The following ACCSL variants were observed in gnomAD, a reference collection of about 807,000 sequenced individuals.
ACCSL encodes the protein probable inactive 1-aminocyclopropane-1-carboxylate synthase-like protein 2.
A neutral mutation model predicts 61.7 loss-of-function variants in ACCSL; 55 were observed. That is an observed-to-expected ratio of 0.89 (90% confidence interval 0.72 to 1.12). The LOEUF is 1.12. Ranked by LOEUF, ACCSL falls within the 50% of genes most tolerant of loss-of-function variation. The pLI is 0.00. For missense variants in ACCSL, 632 were observed against 698.0 expected, an observed-to-expected ratio of 0.91 and a Z score of 1.07; for synonymous variants, 258 against 264.3, an observed-to-expected ratio of 0.98 and a Z score of 0.23.
chr11:44,016,025 G>A, the ACCSL span, among the ~76,000 whole-genome samples: 2 of 152,104 alleles, frequency 1.3e-5, no homozygotes, highest in African/African-American at 4.8e-5. Flanking sequence ...GGTTGAAAAA[G>A]GGACCCTTAC....
intron 3 of ACCSL, 63 bp from the exon 4 acceptor site, chr11:44,051,272 A>G (rs1318210092): frequency 3.2e-6 from 5 of 1,551,094 alleles, no homozygotes; most frequent in East Asian, 2.2e-5. Context: ...GACAATGACC[A>G]TCTAGACCAT....
the ACCSL span, chr11:43,933,125 T>C: frequency 2.2e-5 from 10 of 456,166 alleles, no homozygotes; most frequent in East Asian, 1.4e-4. Context: ...GAGAGACTTA[T>C]ACTTTAACCT....
intron 4 of ACCSL, 28 bp from the exon 5 acceptor site, chr11:44,051,625 A>C (rs79692985): frequency 6.2e-7 from 1 of 1,613,882 alleles, no homozygotes; most frequent in Non-Finnish European, 8.5e-7. Context: ...ATTGGTTTTG[A>C]CTTCTGCCTC....
At chr11:44,014,819 G>A in the ACCSL span, among the ~76,000 whole-genome samples, 1 of 152,218 alleles carries the variant, frequency 6.6e-6, no homozygotes, top group African/African-American at 2.4e-5. Context: ...ACCGTGGAGA[G>A]ACACCTGGTG....
chr11:43,987,304 C>T, the ACCSL span, among the ~76,000 whole-genome samples: 4 of 152,224 alleles, frequency 2.6e-5, no homozygotes, highest in African/African-American at 9.6e-5. Context: ...TTGGACAGGT[C>T]TCTGCCTCCT....
chr11:44,048,851 G>A (rs890426788), intron 1 of ACCSL, among the ~76,000 whole-genome samples: 5 of 152,174 alleles, frequency 3.3e-5, no homozygotes, highest in African/African-American at 9.7e-5. Flanking sequence ...GATGAATGGA[G>A]TCAGCCACTG....
chr11:43,954,202 A>T, the ACCSL span, among the ~76,000 whole-genome samples: 139 of 152,298 alleles, frequency 9.1e-4, no homozygotes, highest in African/African-American at 3.2e-3. Context: ...GTGTTTTGTT[A>T]TGGGATGAAG....
At chr11:43,951,236 G>A in the ACCSL span, among the ~76,000 whole-genome samples, 190 of 152,316 alleles carry the variant, frequency 1.2e-3, no homozygotes, top group African/African-American at 4.4e-3. Context: ...GGGCCTTACA[G>A]AAGCAAAAGC....
the ACCSL span, among the ~76,000 whole-genome samples, chr11:43,997,038 C>T: frequency 7.2e-5 from 11 of 151,758 alleles, no homozygotes; most frequent in Admixed American, 5.3e-4. Flanking sequence ...CTCAAACTCC[C>T]GACCTCAGGT....
chr11:43,962,599 A>G, the ACCSL span, among the ~76,000 whole-genome samples: 1 of 152,260 alleles, frequency 6.6e-6, no homozygotes, highest in Non-Finnish European at 1.5e-5. Flanking sequence ...CAAGGCAAAG[A>G]TTAGACTAAG....
At chr11:44,001,775 C>CTGTG in the ACCSL span, among the ~76,000 whole-genome samples, 1,326 of 96,776 alleles carry the variant, frequency 0.014, 18 homozygotes, top group Admixed American at 0.017. Context: ...GGTAAAGGGG[C>CTGTG]TGTGTGTGTG....
intron 8 of ACCSL, 108 bp from the exon 9 acceptor site, chr11:44,055,094 C>T (rs1952662880): frequency 1.3e-6 from 1 of 775,910 alleles, no homozygotes; most frequent in African/African-American, 1.7e-5. Flanking sequence ...CCAGAGAACA[C>T]CATAAAAGAC....
the ACCSL span, among the ~76,000 whole-genome samples, chr11:44,036,119 A>G: frequency 6.6e-6 from 1 of 152,302 alleles, no homozygotes; most frequent in Non-Finnish European, 1.5e-5. Flanking sequence ...GTAGCAACCA[A>G]CTGGGTAACT....
chr11:43,926,626 G>A, the ACCSL span: 1 of 305,996 alleles, frequency 3.3e-6, no homozygotes, highest in Non-Finnish European at 6.6e-6. Context: ...ATTTTCCTTG[G>A]CAAAATTAGT....
rs780854429 is a variant in ACCSL, at chr11:44,050,544, G to A, written c.565-8G>A. The A allele has an allele frequency of 2.5e-6, 4 of 1,613,606 alleles. No homozygotes were observed. Among genetic ancestry groups the A allele is most frequent in the Non-Finnish European group, 3.4e-6 (4 of 1,179,800 alleles). ...GCCTACCTGTCTTCATGTTCTATTTGTCAACAGTTGCAAGAAAGTGACATG... is the reference window on the plus strand; with the variant it reads ...GCCTACCTGTCTTCATGTTCTATTTATCAACAGTTGCAAGAAAGTGACATG... On this transcript the variant is annotated splice_polypyrimidine_tract_variant and splice_region_variant and intron_variant, in intron 2 of 13. Coordinates refer to ENST00000378832, the MANE Select transcript of ACCSL (RefSeq NM_001031854.2).
At chr11:43,926,386 G>A in the ACCSL span, 2 of 366,462 alleles carry the variant, frequency 5.5e-6, no homozygotes, top group Non-Finnish European at 1.1e-5. Flanking sequence ...CGCCGACCAG[G>A]CTCAGATGCA....
At chr11:43,940,007 C>T in the ACCSL span, among the ~76,000 whole-genome samples, 4 of 152,222 alleles carry the variant, frequency 2.6e-5, no homozygotes, top group Admixed American at 6.5e-5. Context: ...GTGACCATTT[C>T]CTACATCTCC....
the ACCSL span, among the ~76,000 whole-genome samples, chr11:44,008,145 G>T: frequency 6.6e-6 from 1 of 152,146 alleles, no homozygotes; most frequent in Non-Finnish European, 1.5e-5. Flanking sequence ...CATCTCAGAA[G>T]TAATTTTCAT....
chr11:43,941,300 C>T, the ACCSL span, among the ~76,000 whole-genome samples: 1 of 152,226 alleles, frequency 6.6e-6, no homozygotes, highest in African/African-American at 2.4e-5. Flanking sequence ...TGTCTCTCCC[C>T]ACAACACCCC....
Sources: allele counts gnomAD v4.1 joint callset (sites outside exome capture counted in the v4.1 genomes callset), GRCh38; gene constraint gnomAD v4.1.1; transcripts MANE v1.5; gene names NCBI Gene and HGNC (gene_info 2026-07-23, HGNC 2026-07-21).